The following MCTP2 variants were observed in gnomAD, a reference collection of about 807,000 sequenced individuals.
MCTP2 encodes multiple C2 and transmembrane domain-containing protein 2.
Under a neutral mutation model 111.6 loss-of-function variants are expected in MCTP2, and 132 were observed. The observed-to-expected ratio is 1.18, with a 90% confidence interval of 1.03 to 1.37. The LOEUF is 1.37. Among genes scored for constraint, MCTP2 ranks in the 40% most tolerant of loss-of-function variants. The pLI, the probability that MCTP2 is intolerant of heterozygous loss-of-function variation, is 0.00. For missense variants in MCTP2, 1,183 were observed against 1,067.9 expected (o/e 1.11, Z -1.50); for synonymous variants, 395 against 387.7 (o/e 1.02, Z -0.22).
chr15:94,459,767 C>A (rs1423293569), intron 20 of MCTP2, among the ~76,000 whole-genome samples: 2 of 152,152 alleles, frequency 1.3e-5, no homozygotes, highest in Admixed American at 6.5e-5. Context: ...CTGACTTGGT[C>A]TAAGTTGGTC....
At chr15:94,352,958 T>C (rs543358666) in intron 8 of MCTP2, among the ~76,000 whole-genome samples, 38 of 152,322 alleles carry the variant, frequency 2.5e-4, no homozygotes, top group Middle Eastern at 6.8e-3. Context: ...CTCCAGCATG[T>C]GTGGATCACA....
intron 17 of MCTP2, among the ~76,000 whole-genome samples, chr15:94,405,590 T>G (rs1265991533): frequency 6.6e-6 from 1 of 151,984 alleles, no homozygotes; most frequent in Non-Finnish European, 1.5e-5. Context: ...CTTACAGGAG[T>G]GGTTGTATTC....
intron 4 of MCTP2, among the ~76,000 whole-genome samples, chr15:94,326,997 A>G (rs1423587951): frequency 1.1e-5 from 1 of 88,014 alleles, no homozygotes; most frequent in Non-Finnish European, 2.2e-5. Flanking sequence ...TTCTCTGCAT[A>G]GTCTGTTCCA....
chr15:94,367,691 T>C lies in MCTP2; in HGVS notation c.1388T>C (p.Met463Thr), dbSNP rs1255437847. The C allele has an allele frequency of 1.2e-6, 2 of 1,612,260 alleles. No individual in the cohort carries two copies. The highest frequency in any genetic ancestry group is 1.1e-5 in the South Asian group (1 of 90,944). ...GACAGCTGTCTGGGGGCTCTCCTTA[T>C]GTTGGTCACACTTACACCCTGTGCG... is the stretch of plus-strand genomic sequence containing the variant. ...PLDSCLGALL[M>T]LVTLTPCAGV... The change falls in exon 11 of 23, where the codon ATG becomes ACG. Residue 463 changes from methionine to threonine, a missense_variant. Transcript: ENST00000357742.
intron 12 of MCTP2, among the ~76,000 whole-genome samples, chr15:94,382,309 G>A (rs1437168031): frequency 1.3e-5 from 2 of 152,230 alleles, no homozygotes; most frequent in Non-Finnish European, 2.9e-5. Context: ...AATTCTGAAT[G>A]CTGTTTGATA....
intron 4 of MCTP2, among the ~76,000 whole-genome samples, chr15:94,331,447 AG>A (rs2077127594): frequency 6.6e-6 from 1 of 151,772 alleles, no homozygotes; most frequent in Non-Finnish European, 1.5e-5. Context: ...AGGAGAAGGC[AG>A]GGGAGGCATG....
At chr15:94,465,958 TTTC>T (rs1353562135) in intron 20 of MCTP2, among the ~76,000 whole-genome samples, 28 of 152,132 alleles carry the variant, frequency 1.8e-4, no homozygotes, top group Admixed American at 1.8e-3. Flanking sequence ...CTGCCATCTG[TTTC>T]TTCTTTGTGA....
At chr15:94,325,945 G>A (rs917076783) in intron 4 of MCTP2, among the ~76,000 whole-genome samples, 7 of 149,884 alleles carry the variant, frequency 4.7e-5, no homozygotes, top group African/African-American at 1.7e-4. Flanking sequence ...TCAGCCTCCC[G>A]AGTAGCTGGG....
rs2080324569 is a variant in MCTP2, at chr15:94,384,252, T to C, written c.1685+128T>C. ...TTATTGTTTTTTTCTTTTGAAAACC[T>C]TGTATCCTTTCATTTTTATAGAGTG... On this transcript the variant is annotated intron_variant, in intron 13 of 22. Transcript: ENST00000357742. 4 of 585,894 alleles carry C rather than the reference T, an allele frequency of 6.8e-6. No homozygotes were observed. In the Admixed American group the frequency reaches 1.3e-4, roughly 19 times the overall value. 36.3% of individuals were successfully genotyped at this position (585,894 alleles called of 1,614,324 possible).
In MCTP2 at chr15:94,452,776, C is replaced by G. The variant is rs551516452; in HGVS notation, c.2251-5361C>G. ...ATATAATCTTCTTGTAGCATAGAAGCTACCATACTTTGATAAACACATATT... is the reference window on the plus strand; with the variant it reads ...ATATAATCTTCTTGTAGCATAGAAGGTACCATACTTTGATAAACACATATT... On this transcript the variant is annotated intron_variant, in intron 19 of 22. Transcript: ENST00000357742. Among the ~76,000 whole-genome samples the G allele has an allele frequency of 2.0e-3, 305 of 152,302 alleles. 2 individuals carry two copies. Among genetic ancestry groups the G allele is most frequent in the Middle Eastern group, 0.014 (4 of 294 alleles).
chr15:94,245,190 A>G (rs1377008144), intron 1 of MCTP2, among the ~76,000 whole-genome samples: 4 of 144,508 alleles, frequency 2.8e-5, no homozygotes, highest in Non-Finnish European at 4.6e-5. Flanking sequence ...TTATACACAC[A>G]TATGTATGTA....
At chr15:94,477,199 T>C (rs745984972) in intron 22 of MCTP2, among the ~76,000 whole-genome samples, 79 of 152,300 alleles carry the variant, frequency 5.2e-4, no homozygotes, top group Admixed American at 9.8e-4. Context: ...AAAGGATTAT[T>C]CTTTTTATTC....
intron 21 of MCTP2, among the ~76,000 whole-genome samples, chr15:94,475,060 G>T (rs553474283): frequency 1.3e-5 from 2 of 152,154 alleles, no homozygotes; most frequent in African/African-American, 4.8e-5. Flanking sequence ...AACAATAGAA[G>T]ATATATCTGT....
Position 94,458,171 on chromosome 15 carries a change from A to G in MCTP2, c.2285A>G (p.Tyr762Cys), listed in dbSNP as rs1260412787. 2.5e-6 allele frequency: 4 copies of G among 1,611,846 alleles called. No individual in the cohort carries two copies. Among genetic ancestry groups the G allele is most frequent in the South Asian group, 1.1e-5 (1 of 91,030 alleles). ...AAAAAGGGGTTGATTGAAAGAATCT[A>G]TATGGTACAGGATATTGTTTCAACT... ...SEKKGLIERI[Y>C]MVQDIVSTVQ... The change falls in exon 20 of 23, where the codon TAT becomes TGT. Residue 762 changes from tyrosine to cysteine, a missense_variant. Tyr to Cys is a radical substitution (Grantham distance 194, BLOSUM62 -2). Transcript: ENST00000357742.
At chr15:94,400,055 A>G (rs1009576821) in intron 16 of MCTP2, 60 bp downstream of exon 16, 21 of 1,402,002 alleles carry the variant, frequency 1.5e-5, no homozygotes, top group Non-Finnish European at 2.1e-5. Context: ...CAGCTGAAGT[A>G]TTAACACTTG....
At chr15:94,419,827 C>T (rs1370543467) in intron 17 of MCTP2, among the ~76,000 whole-genome samples, 2 of 150,834 alleles carry the variant, frequency 1.3e-5, no homozygotes, top group Non-Finnish European at 3.0e-5. Context: ...ACCATTTCTA[C>T]AAAAAAGCAA....
rs940308657 is a variant in MCTP2, at chr15:94,277,147, C to A, written c.-65-21054C>A. Among the ~76,000 whole-genome samples the A allele has an allele frequency of 2.6e-5, 4 of 152,090 alleles. No individual in the cohort carries two copies. The South Asian group carries it at 8.3e-4, about 32-fold the overall frequency. On this transcript the variant is annotated intron_variant, in intron 1 of 22. Transcript: ENST00000357742. The stretch of plus-strand genomic sequence containing the variant: ...AGTCAATTGCTTTTCTACATACTAT[C>A]AGCTCATGAGGAAATTATAATACAA...
intron 8 of MCTP2, among the ~76,000 whole-genome samples, chr15:94,353,869 A>C (rs1341702787): frequency 6.6e-6 from 1 of 152,200 alleles, no homozygotes; most frequent in Non-Finnish European, 1.5e-5. Context: ...ATCTATATAA[A>C]CATCTATAGA....
intron 17 of MCTP2, among the ~76,000 whole-genome samples, chr15:94,413,800 C>T (rs548787224): frequency 1.8e-4 from 27 of 152,010 alleles, no homozygotes; most frequent in African/African-American, 6.3e-4. Flanking sequence ...AACATTTTTT[C>T]AATTCTTTTA....
Sources: gnomAD v4.1 joint callset for allele counts (sites outside exome capture counted in the v4.1 genomes callset) on GRCh38, gnomAD v4.1.1 for gene constraint, MANE v1.5 for transcripts, NCBI Gene and HGNC (gene_info 2026-07-23, HGNC 2026-07-21) for gene names.